FOXP1: variants seen among roughly 807,000 people sequenced by gnomAD.
FOXP1 encodes the protein forkhead box P1, also known as forkhead box protein P1.
In FOXP1, 15 loss-of-function variants were observed where a neutral mutation model predicts 98.2. The observed-to-expected ratio is 0.15, with a 90% confidence interval of 0.10 to 0.24. The LOEUF (loss-of-function observed/expected upper bound fraction) is 0.24, where lower values mean the gene tolerates loss of function less well. Ranked by LOEUF, FOXP1 falls within the 10% of genes least tolerant of loss-of-function variation. The probability of loss-of-function intolerance (pLI) is 1.00; values close to 1 mark genes in which losing one functional copy is unlikely to be tolerated. For synonymous variants in FOXP1, 371 were observed against 314.5 expected (o/e 1.18, Z -1.90); for missense variants, 633 against 848.5 (o/e 0.75, Z 3.15).
chr3:71,343,944 G>A (rs1029414264), intron 4 of FOXP1, among the ~76,000 whole-genome samples: 8 of 152,140 alleles, frequency 5.3e-5, no homozygotes, highest in African/African-American at 1.9e-4. Context: ...TTAAGAGCCG[G>A]GTTTTTTCAT....
chr3:71,174,769 AATG>A (rs2061830529), intron 6 of FOXP1, among the ~76,000 whole-genome samples: 2 of 137,918 alleles, frequency 1.5e-5, no homozygotes, highest in African/African-American at 5.4e-5. Context: ...GCGAATACAC[AATG>A]TATGCACATG....
intron 2 of FOXP1, among the ~76,000 whole-genome samples, chr3:71,564,536 A>G (rs1179219384): frequency 1.3e-5 from 2 of 152,342 alleles, no homozygotes; most frequent in African/African-American, 4.8e-5. Flanking sequence ...AACAAGTGTT[A>G]AAAGTCTCTG....
At chr3:70,973,283 G>A (rs2036733981) in intron 17 of FOXP1, among the ~76,000 whole-genome samples, 1 of 123,830 alleles carries the variant, frequency 8.1e-6, no homozygotes, top group East Asian at 2.5e-4. Flanking sequence ...TAGCTATCAT[G>A]TTATGTCTCA....
At chr3:71,413,337 C>T (rs2082946197) in intron 3 of FOXP1, among the ~76,000 whole-genome samples, 1 of 147,750 alleles carries the variant, frequency 6.8e-6, no homozygotes, top group Non-Finnish European at 1.5e-5. Flanking sequence ...AATGACACTT[C>T]ATCCATATGA....
At chr3:71,560,092 G>A (rs2046424032) in intron 2 of FOXP1, among the ~76,000 whole-genome samples, 1 of 152,224 alleles carries the variant, frequency 6.6e-6, no homozygotes. Context: ...CACTGTTTTA[G>A]CACCTGGCTC....
chr3:71,397,540 A>G lies in FOXP1; in HGVS notation c.-167-38296T>C, dbSNP rs560649172. On this transcript the variant is annotated intron_variant, in intron 3 of 20. Coordinates refer to ENST00000649528, the MANE Select transcript of FOXP1 (RefSeq NM_001349338.3). ...GCCAGTTTTTGCCTCTGTGGAACTT[A>G]CAGACTGAACACTGGGAAATAAATG... is the stretch of plus-strand genomic sequence containing the variant. Among the ~76,000 whole-genome samples, 21 of 152,364 alleles carry G rather than the reference A, an allele frequency of 1.4e-4. No homozygotes were observed. In the East Asian group the frequency reaches 3.9e-3, roughly 28 times the overall value.
chr3:71,247,543 C>T (rs563224886), intron 5 of FOXP1, among the ~76,000 whole-genome samples: 3 of 152,190 alleles, frequency 2.0e-5, no homozygotes, highest in East Asian at 1.9e-4. Context: ...AAAATCAGGC[C>T]GAGGGCCTGC....
intron 4 of FOXP1, among the ~76,000 whole-genome samples, chr3:71,344,352 T>C (rs1430834031): frequency 1.3e-5 from 2 of 152,236 alleles, no homozygotes; most frequent in Non-Finnish European, 2.9e-5. Flanking sequence ...GCAAATTAGC[T>C]GCATTTTCAA....
intron 2 of FOXP1, among the ~76,000 whole-genome samples, chr3:71,517,872 T>C (rs911683888): frequency 1.3e-5 from 2 of 152,234 alleles, no homozygotes; most frequent in African/African-American, 4.8e-5. Context: ...CTGCATAGAA[T>C]GATTGTTCAT....
At chr3:71,147,779 T>C (rs1429049144) in intron 6 of FOXP1, among the ~76,000 whole-genome samples, 2 of 152,188 alleles carry the variant, frequency 1.3e-5, no homozygotes, top group African/African-American at 4.8e-5. Context: ...GATCCTAGCC[T>C]TATCGGCATT....
Position 71,413,231 on chromosome 3 carries a change from A to C in FOXP1, c.-167-53987T>G, listed in dbSNP as rs188233158. On this transcript the variant is annotated intron_variant, in intron 3 of 20. Transcript: ENST00000649528. ...CAAATAGACACACACACACCCCCCC[A>C]AATAGACACACACACATCCCCCAAA... Among the ~76,000 whole-genome samples the C allele has an allele frequency of 3.6e-3, 293 of 81,220 alleles. 8 individuals carry two copies. The highest frequency in any genetic ancestry group is 0.015 in the African/African-American group (275 of 18,476). The allele number at this position is 81,220 out of a possible 152,430, so 53.3% of individuals were successfully genotyped here. A position where few individuals can be genotyped will look rare whatever the true frequency, so the allele number is the denominator to read the frequency against.
chr3:71,206,289 T>A (rs543892666), intron 5 of FOXP1, among the ~76,000 whole-genome samples: 3 of 152,220 alleles, frequency 2.0e-5, no homozygotes, highest in Non-Finnish European at 4.4e-5. Flanking sequence ...TTTAACTGTT[T>A]TGGTGTTCTG....
At chr3:71,158,126 A>G (rs1576101363) in intron 6 of FOXP1, among the ~76,000 whole-genome samples, 1 of 25,996 alleles carries the variant, frequency 3.8e-5, no homozygotes, top group African/African-American at 1.3e-4. Context: ...GGAGGGAGGG[A>G]GGGAGGGAGG....
intron 2 of FOXP1, among the ~76,000 whole-genome samples, chr3:71,560,856 C>A (rs553084147): frequency 1.3e-5 from 2 of 152,152 alleles, no homozygotes; most frequent in African/African-American, 4.8e-5. Context: ...ATAGGCAAAC[C>A]TATAGAAACA....
chr3:71,002,389 C>G (rs1005459127), intron 12 of FOXP1, among the ~76,000 whole-genome samples: 7 of 152,170 alleles, frequency 4.6e-5, no homozygotes, highest in African/African-American at 1.7e-4. Context: ...CAGTGATGCA[C>G]CTTCAAGGTA....
chr3:71,429,497 G>T (rs1045976199), intron 3 of FOXP1, among the ~76,000 whole-genome samples: 1 of 136,024 alleles, frequency 7.4e-6, no homozygotes, highest in South Asian at 2.9e-4. Context: ...GGGGCGGGAG[G>T]GGGGGTACTG....
At chr3:71,471,635 G>A (rs114777363) in intron 3 of FOXP1, among the ~76,000 whole-genome samples, 2 of 151,964 alleles carry the variant, frequency 1.3e-5, no homozygotes, top group Non-Finnish European at 2.9e-5. Context: ...CGTTTATAGC[G>A]GACATGCAAA....
At position 70,955,200 on chromosome 3, in the gene FOXP1, A is replaced by C. The variant is rs2031478940; in HGVS notation, c.*4047T>G. The C allele has an allele frequency of 4.3e-6, 1 of 232,566 alleles. No homozygotes were observed. The highest frequency in any genetic ancestry group is 2.2e-5 in the African/African-American group (1 of 45,298). 14.4% of individuals were successfully genotyped at this position (232,566 alleles called of 1,614,324 possible). ...TCAGCTGGAATATGGAAAAGAGAGG[A>C]AATATTTTTTAACTCTATTTTTTTT... On this transcript the variant is annotated 3_prime_UTR_variant, in exon 21 of 21. Coordinates refer to ENST00000649528, the MANE Select transcript of FOXP1 (RefSeq NM_001349338.3).
intron 5 of FOXP1, among the ~76,000 whole-genome samples, chr3:71,219,133 A>T (rs978608942): frequency 2.6e-5 from 4 of 152,024 alleles, no homozygotes; most frequent in Non-Finnish European, 5.9e-5. Flanking sequence ...ACTACCTCCT[A>T]TTTAAATATT....
Sources: allele counts gnomAD v4.1 joint callset (sites outside exome capture counted in the v4.1 genomes callset), GRCh38; gene constraint gnomAD v4.1.1; transcripts MANE v1.5; gene names NCBI Gene and HGNC (gene_info 2026-07-23, HGNC 2026-07-21).